Variants in PTPRD observed in about 807,000 individuals in gnomAD.
PTPRD encodes the protein protein tyrosine phosphatase receptor type D.
In PTPRD, 34 loss-of-function variants were observed where a neutral mutation model predicts 214.5. That is an observed-to-expected ratio of 0.16 (90% confidence interval 0.12 to 0.21). The LOEUF is 0.21. PTPRD is among the 10% of genes least tolerant of loss of function. PTPRD has a pLI of 1.00. For missense variants in PTPRD, 2,545 were observed against 2,398.7 expected (o/e 1.06, Z -1.27); for synonymous variants, 1,128 against 845.7 (o/e 1.33, Z -5.79).
intron 8 of PTPRD, among the ~76,000 whole-genome samples, chr9:9,415,750 G>C (rs1159006877): frequency 6.6e-6 from 1 of 152,174 alleles, no homozygotes; most frequent in African/African-American, 2.4e-5. Context: ...TTCTTTAATA[G>C]AGACACTGAG....
At chr9:8,384,924 G>T (rs1197487438) in intron 37 of PTPRD, among the ~76,000 whole-genome samples, 1 of 152,142 alleles carries the variant, frequency 6.6e-6, no homozygotes, top group South Asian at 2.1e-4. Flanking sequence ...TATACACCAG[G>T]CAAAGAGTCT....
chr9:9,767,686 A>G (rs573765372), intron 5 of PTPRD, among the ~76,000 whole-genome samples: 3 of 152,260 alleles, frequency 2.0e-5, no homozygotes, highest in East Asian at 3.9e-4. Flanking sequence ...ATTTCCAGAA[A>G]AAATCTATTT....
chr9:10,067,240 G>A (rs1178583294), intron 3 of PTPRD, among the ~76,000 whole-genome samples: 1 of 151,804 alleles, frequency 6.6e-6, no homozygotes, highest in Non-Finnish European at 1.5e-5. Context: ...TTTATCTCCT[G>A]TTACTTCAGT....
At chr9:9,808,599 C>T (rs1043647840) in intron 5 of PTPRD, among the ~76,000 whole-genome samples, 1 of 151,960 alleles carries the variant, frequency 6.6e-6, no homozygotes, top group Admixed American at 6.6e-5. Flanking sequence ...CAGTTTTGCC[C>T]CTCATTTTCC....
chr9:9,945,360 G>A lies in PTPRD; in HGVS notation c.-471-6750C>T, dbSNP rs552629003. On this transcript the variant is annotated intron_variant, in intron 4 of 45. Coordinates refer to ENST00000381196, the MANE Select transcript of PTPRD (RefSeq NM_002839.4). ...TCACATGAGGTCACCAAAGGGTGAT[G>A]AAAGGAAAAGAGATTTAAAAGAAAA... Among the ~76,000 whole-genome samples the A allele has an allele frequency of 2.6e-5, 4 of 152,252 alleles. No individual in the cohort carries two copies. In the South Asian group the frequency reaches 8.3e-4, roughly 32 times the overall value.
rs2097490952 is a variant in PTPRD at position 8,504,371 on chromosome 9, C to T, written c.1712G>A (p.Arg571Lys). 2 of 1,614,106 alleles carry T rather than the reference C, an allele frequency of 1.2e-6. No individual in the cohort carries two copies. Among genetic ancestry groups the T allele is most frequent in the East Asian group, 4.5e-5 (2 of 44,884 alleles). ...GCTGTTTGGTTTCAGTCCTTGCAGC[C>T]TATATGATGTCCCTGGCTCAATGGT... ...RITIEPGTSY[R>K]LQGLKPNSLY... Residue 571 changes from arginine (R) to lysine (K), a missense_variant, in exon 23 of 46, where the codon AGG (arginine) becomes AAG (lysine). Coordinates refer to ENST00000381196, the MANE Select transcript of PTPRD (RefSeq NM_002839.4).
intron 4 of PTPRD, among the ~76,000 whole-genome samples, chr9:10,024,567 T>C (rs1001952303): frequency 6.6e-6 from 1 of 152,178 alleles, no homozygotes; most frequent in Non-Finnish European, 1.5e-5. Context: ...CTGAACTCCT[T>C]ACACATTTCC....
At chr9:8,470,480 G>A (rs2096630748) in intron 31 of PTPRD, among the ~76,000 whole-genome samples, 1 of 152,078 alleles carries the variant, frequency 6.6e-6, no homozygotes, top group Non-Finnish European at 1.5e-5. Flanking sequence ...ATAGTTAAAT[G>A]CATTTTTGAC....
chr9:9,868,822 T>C (rs2064694855), intron 5 of PTPRD, among the ~76,000 whole-genome samples: 1 of 151,092 alleles, frequency 6.6e-6, no homozygotes, highest in Non-Finnish European at 1.5e-5. Context: ...AAATCTCTCA[T>C]CTACAACACC....
intron 7 of PTPRD, among the ~76,000 whole-genome samples, chr9:9,628,945 G>A (rs963060987): frequency 6.6e-5 from 10 of 151,694 alleles, no homozygotes; most frequent in Non-Finnish European, 8.8e-5. Flanking sequence ...AGGCCGAGGC[G>A]GGCAGATCAT....
In PTPRD at chr9:9,775,390, C is replaced by A. The variant is rs547477203; in HGVS notation, c.-367-8539G>T. On this transcript the variant is annotated intron_variant, in intron 5 of 45. Transcript: ENST00000381196. The stretch of plus-strand genomic sequence containing the variant: ...TCCTAAATTCTTGTTTAGTCAGAAT[C>A]TCTCCATCTTTGGGCAAGTTATTTA... 2.2e-3 allele frequency among the ~76,000 whole-genome samples: 337 copies of A among 152,282 alleles called. 1 individual carries two copies. The highest frequency in any genetic ancestry group is 7.7e-3 in the African/African-American group (318 of 41,562).
intron 19 of PTPRD, among the ~76,000 whole-genome samples, chr9:8,522,593 G>T (rs1361316205): frequency 2.6e-5 from 4 of 152,158 alleles, no homozygotes; most frequent in African/African-American, 9.7e-5. Flanking sequence ...ATGACATTAA[G>T]AGAAGAGATC....
At chr9:8,407,277 G>C (rs1407804171) in intron 35 of PTPRD, among the ~76,000 whole-genome samples, 1 of 152,132 alleles carries the variant, frequency 6.6e-6, no homozygotes, top group Non-Finnish European at 1.5e-5. Context: ...AATTATGCTT[G>C]ATTTTCACAA....
At chr9:10,511,967 CGT>C (rs765411213) in intron 2 of PTPRD, among the ~76,000 whole-genome samples, 61,828 of 110,116 alleles carry the variant, frequency 0.56, 18,176 homozygotes, top group South Asian at 0.71. Context: ...TATATATATA[CGT>C]GTGTGTGTAT....
At chr9:8,460,798 T>G (rs554248606) in intron 32 of PTPRD, among the ~76,000 whole-genome samples, 3 of 152,062 alleles carry the variant, frequency 2.0e-5, no homozygotes, top group Admixed American at 1.3e-4. Flanking sequence ...TATAATAAAA[T>G]CATTTTGATA....
At chr9:8,849,011 A>T (rs1321458702) in intron 11 of PTPRD, among the ~76,000 whole-genome samples, 1 of 152,124 alleles carries the variant, frequency 6.6e-6, no homozygotes, top group Non-Finnish European at 1.5e-5. Context: ...CATATCAACC[A>T]CTATGCTATA....
At chr9:9,310,956 A>T (rs1322506096) in intron 9 of PTPRD, among the ~76,000 whole-genome samples, 1 of 150,338 alleles carries the variant, frequency 6.7e-6, no homozygotes, top group African/African-American at 2.5e-5. Flanking sequence ...TAAATAAATA[A>T]ATAAATAACA....
At chr9:8,739,709 A>C (rs186793037) in intron 11 of PTPRD, among the ~76,000 whole-genome samples, 34 of 132,096 alleles carry the variant, frequency 2.6e-4, no homozygotes, top group Middle Eastern at 3.6e-3. Flanking sequence ...ATCACTCACT[A>C]ACTGATATGG....
At chr9:9,810,011 T>C (rs947025640) in intron 5 of PTPRD, among the ~76,000 whole-genome samples, 1 of 151,806 alleles carries the variant, frequency 6.6e-6, no homozygotes, top group African/African-American at 2.4e-5. Flanking sequence ...CAATAAAAGT[T>C]ATACCAAGTG....
Sources: gnomAD v4.1 joint callset for allele counts (sites outside exome capture counted in the v4.1 genomes callset) on GRCh38, gnomAD v4.1.1 for gene constraint, MANE v1.5 for transcripts, NCBI Gene and HGNC (gene_info 2026-07-23, HGNC 2026-07-21) for gene names.